PC: variants seen among roughly 807,000 people sequenced by gnomAD.
The protein encoded by PC is pyruvate carboxylase, mitochondrial.
In PC, 46 loss-of-function variants were observed where a neutral mutation model predicts 107.8. That is an observed-to-expected ratio of 0.43 (90% CI 0.34 to 0.55). The LOEUF (loss-of-function observed/expected upper bound fraction) is 0.55. Ranked by LOEUF, PC falls within the 20% of genes least tolerant of loss-of-function variation. The pLI is 0.04. For missense variants in PC, 1,241 were observed against 1,643.1 expected (o/e 0.76, Z 4.23); for synonymous variants, 662 against 684.7 (o/e 0.97, Z 0.52).
At position 66,853,347 on chromosome 11, in the gene PC, G is replaced by A. The variant is rs770383752; in HGVS notation, c.1405C>T (p.Gln469Ter). ...IAFLQNVLNN[Q>*]QFLAGTVDTQ... ...TCCACAGTGCCTGCCAGGAACTGCT[G>A]GTTGTTGAGCACATTCTGCAGGAAG... Residue 469 changes from glutamine to a stop codon, truncating the protein, a stop_gained, in exon 13 of 23, where the codon CAG (glutamine) becomes TAG (stop). Transcript: ENST00000393960. LOFTEE classifies it high-confidence loss of function. 6.2e-7 allele frequency: 1 copy of A among 1,614,140 alleles called. No homozygotes were observed. Among genetic ancestry groups the A allele is most frequent in the Non-Finnish European group, 8.5e-7 (1 of 1,180,006 alleles).
chr11:66,851,731 T>C (rs1232835172), intron 16 of PC, 59 bp downstream of exon 16: 1 of 1,576,644 alleles, frequency 6.3e-7, no homozygotes, highest in Non-Finnish European at 8.7e-7. Context: ...CATCACGACA[T>C]GGCTCGGTAC....
In PC at chr11:66,871,301, C is replaced by A; in HGVS notation, c.487+14G>T. 1 of 1,614,058 alleles carries A rather than the reference C, an allele frequency of 6.2e-7. No homozygotes were observed. On this transcript the variant is annotated intron_variant, in intron 6 of 22. Transcript: ENST00000393960. This position sits in a 1 kb window ranked among gnomAD's most constrained non-coding sequence, Gnocchi z 7.4. ...GAGCTGCGGGGCCACCCCTTGCTTGCCCGTTATATTCACCCGCAGCAATGG... is the reference window on the plus strand; with the variant it reads ...GAGCTGCGGGGCCACCCCTTGCTTGACCGTTATATTCACCCGCAGCAATGG...
intron 3 of PC, among the ~76,000 whole-genome samples, chr11:66,898,618 C>T (rs376573519): frequency 6.6e-6 from 1 of 151,994 alleles, no homozygotes; most frequent in African/African-American, 2.4e-5. Context: ...AGGTGGAGGT[C>T]GCAGTAAGCC....
At chr11:66,919,792 G>A (rs1463714838) in intron 3 of PC, 1 of 152,144 alleles carries the variant, frequency 6.6e-6, no homozygotes, top group South Asian at 2.1e-4. Flanking sequence ...AATTTGTCTA[G>A]CAGGCTTTCA....
intron 12 of PC, among the ~76,000 whole-genome samples, chr11:66,862,662 C>T (rs970237765): frequency 6.6e-6 from 1 of 152,236 alleles, no homozygotes; most frequent in African/African-American, 2.4e-5. Flanking sequence ...CCACGGGACA[C>T]GTGCTGGCTT....
chr11:66,884,159 G>C (rs527242571), intron 3 of PC, among the ~76,000 whole-genome samples: 1 of 151,738 alleles, frequency 6.6e-6, no homozygotes. Context: ...CAGGAAAATC[G>C]CTTGAACGTG....
chr11:66,859,829 G>A, intron 12 of PC: 1 of 1,576,204 alleles, frequency 6.3e-7, no homozygotes, highest in Non-Finnish European at 8.6e-7. Flanking sequence ...CCCACGTGCT[G>A]GGCGGGACCC....
chr11:66,873,452 TAA>T (rs1946832738), intron 3 of PC, among the ~76,000 whole-genome samples: 1 of 84,134 alleles, frequency 1.2e-5, no homozygotes, highest in Admixed American at 2.1e-4. Flanking sequence ...ATATTATATA[TAA>T]AATATATATT....
intron 3 of PC, among the ~76,000 whole-genome samples, chr11:66,932,757 C>A (rs2136114249): frequency 6.6e-6 from 1 of 152,278 alleles, no homozygotes; most frequent in East Asian, 1.9e-4. Flanking sequence ...CAGGACCAGA[C>A]ACAGATCTTT....
intron 3 of PC, among the ~76,000 whole-genome samples, chr11:66,886,097 G>A (rs1947349870): frequency 6.6e-6 from 1 of 152,142 alleles, no homozygotes; most frequent in South Asian, 2.1e-4. Flanking sequence ...AGGATGATGA[G>A]GCGGGCCACG....
intron 3 of PC, among the ~76,000 whole-genome samples, chr11:66,878,216 C>T (rs1471631420): frequency 1.3e-5 from 2 of 152,162 alleles, no homozygotes; most frequent in African/African-American, 2.4e-5. Context: ...CCGAGATTCT[C>T]AAACCTCCAG....
rs147450365 is a variant in PC, at chr11:66,872,232, TCCCAA to T, written c.1-78_1-74del. On this transcript the variant is annotated intron_variant, in intron 3 of 22. Transcript: ENST00000393960. ...GCTCCTCAGAATGAGTGAGGGCCCT[TCCCAA>T]CCCCACAGTGGCCCCACAGAAAGGC... The T allele has an allele frequency of 2.2e-3, 3,342 of 1,501,560 alleles. 64 individuals carry two copies. In the African/African-American group the frequency reaches 0.042, roughly 19 times the overall value. 93.0% of individuals were successfully genotyped at this position (1,501,560 alleles called of 1,614,324 possible). A position where few individuals can be genotyped will look rare whatever the true frequency, so the allele number is the denominator to read the frequency against.
Position 66,870,922 on chromosome 11 carries a change from C to T in PC, c.634-30G>A. 1 of 1,607,516 alleles carries T rather than the reference C, an allele frequency of 6.2e-7. No homozygotes were observed. The highest frequency in any genetic ancestry group is 8.5e-7 in the Non-Finnish European group (1 of 1,176,762). On this transcript the variant is annotated intron_variant, in intron 7 of 22. Transcript: ENST00000393960. This position sits in a 1 kb window ranked among gnomAD's most constrained non-coding sequence, Gnocchi z 6.1. ...GAGGGCGGGCAGGGGCCAGCCAGAC[C>T]TCAGACCCCACAGCGCTACCTCTCC...
intron 3 of PC, among the ~76,000 whole-genome samples, chr11:66,890,679 TA>T (rs1947543443): frequency 6.6e-6 from 1 of 151,716 alleles, no homozygotes; most frequent in African/African-American, 2.4e-5. Flanking sequence ...TTTGTATTTT[TA>T]GGAGAGATGG....
At chr11:66,908,909 G>A (rs1272934091) in intron 3 of PC, among the ~76,000 whole-genome samples, 4 of 152,036 alleles carry the variant, frequency 2.6e-5, no homozygotes, top group Non-Finnish European at 4.4e-5. Context: ...CTCTGTTTCC[G>A]CCTCTTCTCT....
chr11:66,849,749 C>CG lies in PC; in HGVS notation c.3008dup (p.Pro1004AlafsTer29), dbSNP rs1565208904. On this transcript the variant is annotated frameshift_variant, in exon 21 of 23. Transcript: ENST00000393960. LOFTEE classifies it high-confidence loss of function. The stretch of plus-strand genomic sequence containing the variant: ...TAGCTGCTGAGAGCACATCTTCCGG[C>CG]GTCACCTCCTCCCCATGCCGGTCTA... The CG allele has an allele frequency of 6.2e-7, 1 of 1,614,194 alleles. No homozygotes were observed.
At chr11:66,906,612 C>T (rs1404920501) in intron 3 of PC, among the ~76,000 whole-genome samples, 1 of 152,118 alleles carries the variant, frequency 6.6e-6, no homozygotes, top group Admixed American at 6.5e-5. Context: ...TCCACGTCAC[C>T]TCCATCCCCC....
rs1218722587 is a variant in PC, at chr11:66,946,088, G to A, written c.-1+6342C>T. Among the ~76,000 whole-genome samples, 31 of 117,046 alleles carry A rather than the reference G, an allele frequency of 2.6e-4. No homozygotes were observed. The South Asian group carries it at 3.5e-3, about 13-fold the overall frequency. 76.8% of individuals were successfully genotyped at this position (117,046 alleles called of 152,430 possible). Reference sequence around the variant, plus strand: ...GGCCTGGGCGACAGAGCGAGACTCCGTCTCAAAAAAAAAAAAAAAAAAAAA... The same window carrying A: ...GGCCTGGGCGACAGAGCGAGACTCCATCTCAAAAAAAAAAAAAAAAAAAAA... On this transcript the variant is annotated intron_variant, in intron 3 of 22. Transcript: ENST00000393960.
chr11:66,944,761 C>T (rs1490353315), intron 3 of PC, among the ~76,000 whole-genome samples: 1 of 116,262 alleles, frequency 8.6e-6, no homozygotes, highest in Non-Finnish European at 1.9e-5. Context: ...GCCAATTTCT[C>T]CCCCAAATGT....
Sources: gnomAD v4.1 joint callset for allele counts (sites outside exome capture counted in the v4.1 genomes callset) on GRCh38, gnomAD v4.1.1 for gene constraint, Gnocchi (gnomAD v3.1) non-coding constraint, MANE v1.5 for transcripts, NCBI Gene and HGNC (gene_info 2026-07-23, HGNC 2026-07-21) for gene names.